DDAH1: variants seen among roughly 807,000 people sequenced by gnomAD.
DDAH1 encodes dimethylarginine dimethylaminohydrolase 1, also known as N(G),N(G)-dimethylarginine dimethylaminohydrolase 1.
Under a neutral mutation model 28.8 loss-of-function variants are expected in DDAH1, and 19 were observed. The observed-to-expected ratio is 0.66, with a 90% CI of 0.46 to 0.97. The LOEUF is 0.97. DDAH1 is among the 50% of genes least tolerant of loss of function. The pLI is 0.00. For missense variants in DDAH1, 326 were observed against 375.9 expected (o/e 0.87, Z 1.10); for synonymous variants, 153 against 154.4 (o/e 0.99, Z 0.07).
chr1:85,560,336 A>G (rs955338096), intron 1 of DDAH1, among the ~76,000 whole-genome samples: 2 of 152,138 alleles, frequency 1.3e-5, no homozygotes, highest in Non-Finnish European at 2.9e-5. Context: ...AAGTTCCTCT[A>G]GTAAAAGAAA....
At chr1:85,429,340 T>G (rs1308902705) in intron 1 of DDAH1, among the ~76,000 whole-genome samples, 1 of 152,204 alleles carries the variant, frequency 6.6e-6, no homozygotes, top group East Asian at 1.9e-4. Context: ...GCAAAGGACA[T>G]GAATTCATTC....
intron 1 of DDAH1, among the ~76,000 whole-genome samples, chr1:85,433,118 A>G (rs1217437252): frequency 3.9e-5 from 6 of 152,110 alleles, no homozygotes; most frequent in Non-Finnish European, 8.8e-5. Context: ...ACATACATAC[A>G]TATATAATTT....
chr1:85,563,843 T>C (rs1408459955), intron 1 of DDAH1, among the ~76,000 whole-genome samples: 3 of 152,190 alleles, frequency 2.0e-5, no homozygotes, highest in Non-Finnish European at 2.9e-5. Flanking sequence ...ATGGAAGATA[T>C]TTTAAAAGAC....
intron 1 of DDAH1, among the ~76,000 whole-genome samples, chr1:85,506,805 A>G (rs1657033453): frequency 6.6e-6 from 1 of 152,182 alleles, no homozygotes; most frequent in South Asian, 2.1e-4. Flanking sequence ...AATGGTGACA[A>G]CTGATTTTTA....
rs1659662898 is a variant in DDAH1 at position 85,578,097 on chromosome 1, C to T, written c.-236G>A. The T allele has an allele frequency of 3.8e-6, 3 of 785,614 alleles. No individual in the cohort carries two copies. In the South Asian group the frequency reaches 1.7e-4, roughly 45 times the overall value. 48.7% of individuals were successfully genotyped at this position (785,614 alleles called of 1,614,324 possible). On this transcript the variant is annotated 5_prime_UTR_variant, in exon 1 of 7. Coordinates refer to the DDAH1 transcript ENST00000426972. ...CTGGGGTTTCTGGACGGTCTTTGGG[C>T]AGGACTTGAGGAGCCGCTGTTTCTC...
At chr1:85,325,690 C>T (rs1647351981) in intron 4 of DDAH1, among the ~76,000 whole-genome samples, 1 of 151,170 alleles carries the variant, frequency 6.6e-6, no homozygotes, top group Non-Finnish European at 1.5e-5. Context: ...ACTTTAAAAA[C>T]AACACAAAAA....
intron 1 of DDAH1, among the ~76,000 whole-genome samples, chr1:85,426,921 CAAAAAAA>C (rs10680800): frequency 8.3e-6 from 1 of 120,432 alleles, no homozygotes; most frequent in Admixed American, 9.6e-5. Flanking sequence ...TTAAAAAAAA[CAAAAAAA>C]AAAAAAAAAA....
intron 1 of DDAH1, among the ~76,000 whole-genome samples, chr1:85,364,700 A>T (rs1649972297): frequency 6.6e-6 from 1 of 152,026 alleles, no homozygotes; most frequent in African/African-American, 2.4e-5. Flanking sequence ...TTGTGCCACC[A>T]CACCCGGCTA....
At chr1:85,431,166 T>C (rs1315044605) in intron 1 of DDAH1, among the ~76,000 whole-genome samples, 1 of 152,208 alleles carries the variant, frequency 6.6e-6, no homozygotes, top group African/African-American at 2.4e-5. Flanking sequence ...GTTTTTGTCA[T>C]TGGTTCTGTT....
At chr1:85,382,659 C>G (rs989182340) in intron 1 of DDAH1, among the ~76,000 whole-genome samples, 25 of 152,200 alleles carry the variant, frequency 1.6e-4, no homozygotes, top group Admixed American at 3.3e-4. Context: ...ACTTCTCTAG[C>G]TGTTAAGGAG....
At chr1:85,443,830 T>G (rs1407810792) in intron 1 of DDAH1, among the ~76,000 whole-genome samples, 1 of 152,196 alleles carries the variant, frequency 6.6e-6, no homozygotes, top group Non-Finnish European at 1.5e-5. Flanking sequence ...GTTATTGGTG[T>G]ATAAGAATGC....
chr1:85,539,188 C>A (rs1658393283), intron 1 of DDAH1, among the ~76,000 whole-genome samples: 1 of 151,880 alleles, frequency 6.6e-6, no homozygotes, highest in South Asian at 2.1e-4. Context: ...CTCTTGTCAC[C>A]CAGGCTGGAG....
At chr1:85,401,868 T>C (rs974681609) in intron 1 of DDAH1, among the ~76,000 whole-genome samples, 1 of 152,236 alleles carries the variant, frequency 6.6e-6, no homozygotes, top group South Asian at 2.1e-4. Flanking sequence ...TTCAGTTATA[T>C]GTAATTTTGT....
At chr1:85,481,505 A>G (rs1398694594) in intron 2 of DDAH1, among the ~76,000 whole-genome samples, 4 of 152,240 alleles carry the variant, frequency 2.6e-5, no homozygotes, top group African/African-American at 9.6e-5. Context: ...TGTTATGAGA[A>G]TAACTACCCA....
rs555963129 is a variant in DDAH1, at chr1:85,380,182, G to A, written c.304-21335C>T. Among the ~76,000 whole-genome samples, 8 of 152,200 alleles carry A rather than the reference G, an allele frequency of 5.3e-5. No homozygotes were observed. The East Asian group carries it at 9.6e-4, about 18-fold the overall frequency. ...TATTTAACAGATGATGAACCAGGCC[G>A]TATGACATTAAGTAATGTTTAGTAG... On this transcript the variant is annotated intron_variant, in intron 1 of 5. Transcript: ENST00000284031.
rs368357373 is a variant in DDAH1 at position 85,503,772 on chromosome 1, G to A, written c.-122-7491C>T. 2.6e-5 allele frequency among the ~76,000 whole-genome samples: 4 copies of A among 152,294 alleles called. No individual in the cohort carries two copies. In the East Asian group the frequency reaches 7.7e-4, roughly 29 times the overall value. On this transcript the variant is annotated intron_variant, in intron 1 of 6. Coordinates refer to the DDAH1 transcript ENST00000426972. Reference sequence around the variant, plus strand: ...GAAAATAAAGCAGGAAGATGGGATAGGAAATAGTGGCAGGAAAACATGAGA... The same window carrying A: ...GAAAATAAAGCAGGAAGATGGGATAAGAAATAGTGGCAGGAAAACATGAGA...
At chr1:85,542,390 A>T (rs1333901712) in intron 1 of DDAH1, among the ~76,000 whole-genome samples, 1 of 152,234 alleles carries the variant, frequency 6.6e-6, no homozygotes, top group Non-Finnish European at 1.5e-5. Flanking sequence ...TACTGATCAG[A>T]TTCTAAGGAA....
intron 1 of DDAH1, among the ~76,000 whole-genome samples, chr1:85,507,466 G>A (rs1423450699): frequency 1.3e-5 from 2 of 151,550 alleles, no homozygotes; most frequent in Non-Finnish European, 2.9e-5. Context: ...TTGTGCCACT[G>A]TACTCCAGCC....
intron 1 of DDAH1, among the ~76,000 whole-genome samples, chr1:85,516,159 G>A (rs1322412907): frequency 1.3e-5 from 2 of 151,826 alleles, no homozygotes; most frequent in African/African-American, 2.4e-5. Flanking sequence ...ACATTCTGAG[G>A]TACTGGGGGT....
Sources: gnomAD v4.1 joint callset for allele counts (sites outside exome capture counted in the v4.1 genomes callset) on GRCh38, gnomAD v4.1.1 for gene constraint, MANE v1.5 for transcripts, NCBI Gene and HGNC (gene_info 2026-07-23, HGNC 2026-07-21) for gene names.